Variants in GRIP1 observed in about 807,000 individuals in gnomAD.
GRIP1 encodes glutamate receptor interacting protein 1.
In GRIP1, 45 loss-of-function variants were observed where a neutral mutation model predicts 129.9. The observed-to-expected ratio is 0.35, with a 90% CI of 0.27 to 0.44. The LOEUF (loss-of-function observed/expected upper bound fraction) is 0.44. GRIP1 is among the 20% of genes least tolerant of loss of function. GRIP1 has a pLI of 1.00. For synonymous variants in GRIP1, 530 were observed against 520.8 expected, an observed-to-expected ratio of 1.02 and a Z score of -0.24; for missense variants, 1,196 against 1,396.8, an observed-to-expected ratio of 0.86 and a Z score of 2.29.
chr12:66,509,545 C>T (rs1010091415), intron 7 of GRIP1, among the ~76,000 whole-genome samples: 2 of 152,018 alleles, frequency 1.3e-5, no homozygotes, highest in African/African-American at 4.8e-5. Context: ...AAGACATGGA[C>T]CCAAATGCCC....
At chr12:66,745,171 T>C (rs2036906861) in intron 1 of GRIP1, among the ~76,000 whole-genome samples, 2 of 152,148 alleles carry the variant, frequency 1.3e-5, no homozygotes, top group Non-Finnish European at 2.9e-5. Context: ...CTCCAACATA[T>C]ATAAACTAGT....
intron 1 of GRIP1, among the ~76,000 whole-genome samples, chr12:67,047,550 G>C (rs1256217444): frequency 6.6e-6 from 1 of 152,084 alleles, no homozygotes; most frequent in Non-Finnish European, 1.5e-5. Context: ...GATTTTGTCT[G>C]TTTTGTTCAC....
At chr12:66,509,097 G>A (rs2060620933) in intron 7 of GRIP1, among the ~76,000 whole-genome samples, 1 of 152,152 alleles carries the variant, frequency 6.6e-6, no homozygotes, top group African/African-American at 2.4e-5. Flanking sequence ...AGCAAAATAA[G>A]TATTCCGATG....
In GRIP1 at chr12:66,564,563, C is replaced by T. The variant is rs567366443; in HGVS notation, c.137-22613G>A. On this transcript the variant is annotated intron_variant, in intron 2 of 24. Transcript: ENST00000359742. ...TGGGTTGGTTCCAAGTCTTTGCTAT[C>T]GTGAATAGTGCCACAATAAACATAT... 1.1e-3 allele frequency among the ~76,000 whole-genome samples: 166 copies of T among 152,112 alleles called. 1 individual carries two copies. The highest frequency in any genetic ancestry group is 3.5e-3 in the African/African-American group (147 of 41,482).
chr12:66,732,313 G>C (rs2036464245), intron 1 of GRIP1, among the ~76,000 whole-genome samples: 3 of 152,112 alleles, frequency 2.0e-5, no homozygotes, highest in Admixed American at 2.0e-4. Flanking sequence ...TACTTTGAGG[G>C]GGCTGAAGCC....
intron 1 of GRIP1, among the ~76,000 whole-genome samples, chr12:66,976,752 C>T (rs149422934): frequency 1.3e-5 from 2 of 152,140 alleles, no homozygotes; most frequent in Non-Finnish European, 2.9e-5. Flanking sequence ...ATGTGTCTGG[C>T]CAAAAGAGTA....
chr12:66,847,511 A>G (rs1006074650), intron 1 of GRIP1, among the ~76,000 whole-genome samples: 2 of 152,210 alleles, frequency 1.3e-5, no homozygotes, highest in Admixed American at 6.5e-5. Flanking sequence ...GGCAAATTGA[A>G]TAATGTTATT....
chr12:66,461,761 T>C (rs1045109347), intron 9 of GRIP1, among the ~76,000 whole-genome samples: 2 of 152,144 alleles, frequency 1.3e-5, no homozygotes, highest in Non-Finnish European at 2.9e-5. Flanking sequence ...TGGAGAAGTG[T>C]AGTGCATTTT....
At chr12:66,539,656 T>C (rs1392757158) in intron 3 of GRIP1, among the ~76,000 whole-genome samples, 1 of 150,086 alleles carries the variant, frequency 6.7e-6, no homozygotes, top group African/African-American at 2.5e-5. Context: ...CAATCCCTCT[T>C]GTTTTTGCTG....
At chr12:66,934,451 C>G (rs2041451320) in intron 1 of GRIP1, among the ~76,000 whole-genome samples, 1 of 152,210 alleles carries the variant, frequency 6.6e-6, no homozygotes, top group South Asian at 2.1e-4. Flanking sequence ...ACTTACCACA[C>G]TGTACAGTAA....
intron 1 of GRIP1, among the ~76,000 whole-genome samples, chr12:66,961,251 A>C: frequency 6.6e-6 from 1 of 152,094 alleles, no homozygotes; most frequent in East Asian, 1.9e-4. Flanking sequence ...GAGGAACACC[A>C]GGGGAGACGG....
At chr12:66,839,911 C>T (rs2039684548) in intron 1 of GRIP1, among the ~76,000 whole-genome samples, 1 of 152,166 alleles carries the variant, frequency 6.6e-6, no homozygotes, top group Non-Finnish European at 1.5e-5. Flanking sequence ...GTATTGTCAC[C>T]ATTTATATTT....
intron 1 of GRIP1, among the ~76,000 whole-genome samples, chr12:66,838,183 C>T (rs115342146): frequency 0.11 from 7,041 of 65,876 alleles, 215 homozygotes; most frequent in Middle Eastern, 0.22. Context: ...AGAAAGACTC[C>T]ACCTAAAAAA....
intron 7 of GRIP1, among the ~76,000 whole-genome samples, chr12:66,473,213 G>A (rs2059492540): frequency 6.6e-6 from 1 of 152,184 alleles, no homozygotes; most frequent in African/African-American, 2.4e-5. Flanking sequence ...GCCACTGGGA[G>A]GTTTGAACTG....
chr12:66,636,841 C>T (rs2031445215), intron 1 of GRIP1, among the ~76,000 whole-genome samples: 1 of 151,892 alleles, frequency 6.6e-6, no homozygotes, highest in Non-Finnish European at 1.5e-5. Context: ...ACCAGAAAAT[C>T]AAATCTTGCT....
At chr12:66,527,158 T>C (rs11176244) in intron 5 of GRIP1, among the ~76,000 whole-genome samples, 92,517 of 137,378 alleles carry the variant, frequency 0.67, 31,722 homozygotes, top group African/African-American at 0.8. Flanking sequence ...CCATTTGACC[T>C]AGCCATCCCA....
At chr12:66,484,631 C>T (rs1034810856) in intron 7 of GRIP1, among the ~76,000 whole-genome samples, 3 of 151,968 alleles carry the variant, frequency 2.0e-5, no homozygotes, top group African/African-American at 7.3e-5. Context: ...AAAAGTTGAT[C>T]TCGTGGAGGT....
chr12:66,932,956 C>T (rs1421705123), intron 1 of GRIP1, among the ~76,000 whole-genome samples: 4 of 152,092 alleles, frequency 2.6e-5, no homozygotes, highest in East Asian at 3.9e-4. Context: ...TGTGAGCCAC[C>T]GTGCCCAGCC....
intron 1 of GRIP1, among the ~76,000 whole-genome samples, chr12:66,842,086 T>C (rs1287892473): frequency 2.0e-5 from 3 of 152,120 alleles, no homozygotes; most frequent in East Asian, 1.9e-4. Context: ...TGAGGACATA[T>C]ATATTGTATA....
Sources: gnomAD v4.1 joint callset for allele counts (sites outside exome capture counted in the v4.1 genomes callset) on GRCh38, gnomAD v4.1.1 for gene constraint, MANE v1.5 for transcripts, NCBI Gene and HGNC (gene_info 2026-07-23, HGNC 2026-07-21) for gene names.